Variants in PALLD observed in about 807,000 individuals in gnomAD.
PALLD encodes the protein palladin.
Under a neutral mutation model 123.5 loss-of-function variants are expected in PALLD, and 61 were observed. The observed-to-expected ratio is 0.49, with a 90% CI of 0.40 to 0.61. PALLD has a LOEUF of 0.61. Ranked by LOEUF, PALLD falls within the 20% of genes least tolerant of loss-of-function variation. The pLI is 0.00. For missense variants in PALLD, 1,273 were observed against 1,377.0 expected (o/e 0.92, Z 1.20); for synonymous variants, 465 against 496.4 (o/e 0.94, Z 0.84).
intron 2 of PALLD, among the ~76,000 whole-genome samples, chr4:168,587,346 T>C (rs552887306): frequency 6.6e-6 from 1 of 152,300 alleles, no homozygotes; most frequent in African/African-American, 2.4e-5. Flanking sequence ...TGAAATATTT[T>C]TCACGTTTTG....
intron 1 of PALLD, among the ~76,000 whole-genome samples, chr4:168,499,902 A>ATT (rs1761217366): frequency 4.2e-5 from 3 of 71,986 alleles, no homozygotes; most frequent in Admixed American, 3.9e-4. Flanking sequence ...TTCTTCATCG[A>ATT]CTCAAAGTAT....
intron 8 of PALLD, among the ~76,000 whole-genome samples, chr4:168,707,641 G>C (rs896595366): frequency 6.6e-6 from 1 of 152,194 alleles, no homozygotes; most frequent in African/African-American, 2.4e-5. Context: ...GCCAGCCCAG[G>C]TTCAACGGAT....
chr4:168,578,431 G>A (rs560076991), intron 2 of PALLD, among the ~76,000 whole-genome samples: 9 of 152,076 alleles, frequency 5.9e-5, no homozygotes, highest in African/African-American at 2.2e-4. Flanking sequence ...TTTTATAAGG[G>A]GCTTTTCCCC....
chr4:168,767,248 T>G (rs1362821121), intron 10 of PALLD, among the ~76,000 whole-genome samples: 2 of 152,206 alleles, frequency 1.3e-5, no homozygotes, highest in African/African-American at 2.4e-5. Flanking sequence ...CATCGTCATC[T>G]CATGCCACAG....
At chr4:168,567,845 T>G (rs969458973) in intron 2 of PALLD, among the ~76,000 whole-genome samples, 1 of 151,788 alleles carries the variant, frequency 6.6e-6, no homozygotes, top group African/African-American at 2.4e-5. Context: ...TCGGGTACAA[T>G]GTACGCTATT....
chr4:168,549,836 G>C (rs1766547718), intron 2 of PALLD, among the ~76,000 whole-genome samples: 1 of 151,922 alleles, frequency 6.6e-6, no homozygotes, highest in Non-Finnish European at 1.5e-5. Context: ...AGAAAACCAA[G>C]AGGTTTTTTA....
chr4:168,841,692 C>T (rs1212714724), intron 10 of PALLD, among the ~76,000 whole-genome samples: 1 of 152,192 alleles, frequency 6.6e-6, no homozygotes, highest in Non-Finnish European at 1.5e-5. Flanking sequence ...GCAGCCTCTA[C>T]AACTCTGCTT....
chr4:168,633,954 T>A (rs1776088893), intron 2 of PALLD, among the ~76,000 whole-genome samples: 1 of 152,108 alleles, frequency 6.6e-6, no homozygotes, highest in Admixed American at 6.6e-5. Flanking sequence ...CTTAAAAAAA[T>A]AATAATAATA....
chr4:168,678,105 T>C (rs1212427826), intron 3 of PALLD: 2 of 152,090 alleles, frequency 1.3e-5, no homozygotes, highest in Non-Finnish European at 2.9e-5. Context: ...CGCGCGCACC[T>C]CATGAAGGCC....
intron 2 of PALLD, among the ~76,000 whole-genome samples, chr4:168,666,039 T>C (rs1188633285): frequency 1.3e-5 from 2 of 151,994 alleles, no homozygotes. Flanking sequence ...AAAATACTCT[T>C]CTTCTTTTGA....
intron 10 of PALLD, among the ~76,000 whole-genome samples, chr4:168,820,746 T>A (rs1208956517): frequency 6.6e-6 from 1 of 152,092 alleles, no homozygotes; most frequent in Non-Finnish European, 1.5e-5. Flanking sequence ...ACTTCTACTT[T>A]GAGTAAATAA....
intron 10 of PALLD, among the ~76,000 whole-genome samples, chr4:168,830,057 C>G (rs1007675686): frequency 6.6e-6 from 1 of 151,974 alleles, no homozygotes; most frequent in African/African-American, 2.4e-5. Context: ...CATGGTGAAA[C>G]CCCATCTCTA....
chr4:168,921,406 CAAAAAAAAAAA>C (rs5863967), intron 17 of PALLD, 117 bp from the exon 18 acceptor site: 1 of 361,160 alleles, frequency 2.8e-6, no homozygotes, highest in South Asian at 2.6e-5. Flanking sequence ...AAACTCTGTC[CAAAAAAAAAAA>C]AAAAAAAAAG....
intron 2 of PALLD, among the ~76,000 whole-genome samples, chr4:168,543,425 G>T (rs547371379): frequency 3.3e-5 from 5 of 151,330 alleles, no homozygotes; most frequent in Non-Finnish European, 7.4e-5. Context: ...GTACTAAATG[G>T]GCATCTAGTT....
intron 2 of PALLD, among the ~76,000 whole-genome samples, chr4:168,596,816 T>C (rs1054964915): frequency 2.6e-5 from 4 of 151,964 alleles, no homozygotes; most frequent in Non-Finnish European, 5.9e-5. Flanking sequence ...TTGGAGAAAG[T>C]AAGCCAAAAT....
chr4:168,924,234 A>T, intron 18 of PALLD, 21 bp from the exon 19 acceptor site: 1 of 1,323,526 alleles, frequency 7.6e-7, no homozygotes, highest in Non-Finnish European at 1.1e-6. Flanking sequence ...TTGATAGAGA[A>T]TTCATCTCAT....
At chr4:168,555,009 G>A (rs1466776324) in intron 2 of PALLD, among the ~76,000 whole-genome samples, 1 of 151,960 alleles carries the variant, frequency 6.6e-6, no homozygotes, top group Admixed American at 6.6e-5. Context: ...GTGATTTTTT[G>A]TTTCTATTTT....
At chr4:168,593,789 T>A (rs1429256493) in intron 2 of PALLD, among the ~76,000 whole-genome samples, 1 of 152,180 alleles carries the variant, frequency 6.6e-6, no homozygotes, top group Admixed American at 6.5e-5. Flanking sequence ...CCCATGTAAG[T>A]CCCAACAACT....
At chr4:168,777,719 C>G (rs1277822597) in intron 10 of PALLD, among the ~76,000 whole-genome samples, 24 of 152,162 alleles carry the variant, frequency 1.6e-4, no homozygotes, top group Non-Finnish European at 2.8e-4. Flanking sequence ...CTCCTCCCAG[C>G]CCCGTTTAGC....
Sources: gnomAD v4.1 joint callset for allele counts (sites outside exome capture counted in the v4.1 genomes callset) on GRCh38, gnomAD v4.1.1 for gene constraint, MANE v1.5 for transcripts, NCBI Gene and HGNC (gene_info 2026-07-23, HGNC 2026-07-21) for gene names.